The following CPD variants were observed in gnomAD, a reference collection of about 807,000 sequenced individuals.
The protein encoded by CPD is metallocarboxypeptidase D.
A neutral mutation model predicts 138.3 loss-of-function variants in CPD; 69 were observed. That is an observed-to-expected ratio of 0.50 (90% confidence interval 0.41 to 0.61). The LOEUF is 0.61. Ranked by LOEUF, CPD falls within the 20% of genes least tolerant of loss-of-function variation. The pLI is 0.00. For synonymous variants in CPD, 651 were observed against 642.1 expected (o/e 1.01, Z -0.21); for missense variants, 1,432 against 1,733.3 (o/e 0.83, Z 3.09).
At chr17:30,410,371 G>A (rs984662382) in intron 2 of CPD, among the ~76,000 whole-genome samples, 1 of 152,160 alleles carries the variant, frequency 6.6e-6, no homozygotes, top group Non-Finnish European at 1.5e-5. Context: ...TGTCTATTAG[G>A]TCCACTTGGT....
chr17:30,412,085 C>T (rs1911982840), intron 2 of CPD, among the ~76,000 whole-genome samples: 2 of 152,218 alleles, frequency 1.3e-5, no homozygotes, highest in Non-Finnish European at 1.5e-5. Flanking sequence ...CTATTCCTTC[C>T]TGTTTGTTAA....
intron 2 of CPD, among the ~76,000 whole-genome samples, chr17:30,405,808 G>C (rs1911788113): frequency 6.6e-6 from 1 of 151,990 alleles, no homozygotes. Flanking sequence ...TACTGGTACA[G>C]TTTAACTTCT....
intron 2 of CPD, among the ~76,000 whole-genome samples, chr17:30,398,865 A>G (rs1911578496): frequency 6.6e-6 from 1 of 150,932 alleles, no homozygotes; most frequent in Non-Finnish European, 1.5e-5. Flanking sequence ...TTTTTAAATA[A>G]TTAAAAAAAA....
intron 2 of CPD, among the ~76,000 whole-genome samples, chr17:30,398,225 GAATAGAATAGAACAGAATAGAAT>G (rs897320269): frequency 2.8e-5 from 3 of 105,758 alleles, no homozygotes; most frequent in African/African-American, 1.2e-4. Context: ...CAGAATAATA[GAATAGAATAGAACAGAATAGAAT>G]AATAGAATAG....
chr17:30,451,978 G>T, intron 14 of CPD, 132 bp downstream of exon 14: 1 of 796,760 alleles, frequency 1.3e-6, no homozygotes, highest in South Asian at 2.8e-5. Context: ...AGGTATAAAT[G>T]AATTCAGACA....
intron 7 of CPD, 94 bp from the exon 8 acceptor site, chr17:30,431,678 G>T: frequency 1.2e-6 from 1 of 804,578 alleles, no homozygotes; most frequent in Non-Finnish European, 2.0e-6. Context: ...AAATTTTATT[G>T]TTTTCTCTTC....
intron 8 of CPD, among the ~76,000 whole-genome samples, chr17:30,433,214 C>G (rs1912606962): frequency 6.6e-6 from 1 of 152,120 alleles, no homozygotes; most frequent in Non-Finnish European, 1.5e-5. Context: ...TTATTGCTTT[C>G]TGTTTGGACA....
At chr17:30,401,868 A>T (rs1292228594) in intron 2 of CPD, among the ~76,000 whole-genome samples, 1 of 149,616 alleles carries the variant, frequency 6.7e-6, no homozygotes, top group African/African-American at 2.5e-5. Flanking sequence ...AGTGTTTGAG[A>T]TTTGCTGAGC....
At chr17:30,446,325 C>G (rs1326788129) in intron 12 of CPD, among the ~76,000 whole-genome samples, 1 of 152,094 alleles carries the variant, frequency 6.6e-6, no homozygotes, top group Non-Finnish European at 1.5e-5. Context: ...TCCCTCCCCC[C>G]TACCCCTACC....
Position 30,379,038 on chromosome 17 carries a change from A to T in CPD, c.58A>T (p.Met20Leu), listed in dbSNP as rs978692215. The change falls in exon 1 of 21, where the codon ATG (methionine) becomes TTG (leucine). Residue 20 changes from methionine to leucine, a missense_variant. Met to Leu is a conservative substitution (Grantham distance 15). Transcript: ENST00000225719. This position sits in a 1 kb window ranked among gnomAD's most constrained non-coding sequence, Gnocchi z 7.0. The part of the protein sequence containing the change: ...PWRLGRLLLL[M>L]CLLLLGSSAR... ...GCGGCTAGGGCGGCTCCTGTTGCTCATGTGCCTGCTGCTGCTGGGGAGCTC... is the reference window on the plus strand; with the variant it reads ...GCGGCTAGGGCGGCTCCTGTTGCTCTTGTGCCTGCTGCTGCTGGGGAGCTC... The T allele has an allele frequency of 3.2e-6, 5 of 1,561,586 alleles. No homozygotes were observed. Among genetic ancestry groups the T allele is most frequent in the Non-Finnish European group, 4.3e-6 (5 of 1,161,576 alleles).
intron 19 of CPD, 39 bp downstream of exon 19, chr17:30,462,101 A>T (rs1272663180): frequency 1.3e-6 from 2 of 1,511,350 alleles, no homozygotes; most frequent in African/African-American, 2.8e-5. Context: ...GTAAATTTTT[A>T]TTCTTAATAA....
chr17:30,465,394 A>C lies in CPD; in HGVS notation c.*580A>C, dbSNP rs1246727088. 6.5e-6 allele frequency: 1 copy of C among 153,412 alleles called. No individual in the cohort carries two copies. The highest frequency in any genetic ancestry group is 1.5e-5 in the Non-Finnish European group (1 of 68,646). The allele number at this position is 153,412 out of a possible 1,614,324, so 9.5% of individuals were successfully genotyped here. On this transcript the variant is annotated 3_prime_UTR_variant, in exon 21 of 21. Coordinates refer to ENST00000225719, the MANE Select transcript of CPD (RefSeq NM_001304.5). ...AATGGGCTTCTGCATTTGGCTTTCT[A>C]CCTGTTCCAAGGCTAGATCGGAACT...
intron 19 of CPD, 139 bp from the exon 20 acceptor site, chr17:30,462,231 G>C (rs1913495980): frequency 9.4e-7 from 1 of 1,064,830 alleles, no homozygotes; most frequent in African/African-American, 1.6e-5. Context: ...TAACAAAAGG[G>C]AAAATTTTCT....
chr17:30,462,282 A>G, intron 19 of CPD, 88 bp from the exon 20 acceptor site: 1 of 1,164,462 alleles, frequency 8.6e-7, no homozygotes, highest in Non-Finnish European at 1.2e-6. Flanking sequence ...TCATCTCCTT[A>G]GTTTGCTATA....
chr17:30,421,263 T>TTGTA (rs1190771589), intron 3 of CPD, among the ~76,000 whole-genome samples: 1 of 152,166 alleles, frequency 6.6e-6, no homozygotes, highest in Non-Finnish European at 1.5e-5. Flanking sequence ...TTAGCCAAAT[T>TTGTA]TGTACTCTCA....
intron 2 of CPD, among the ~76,000 whole-genome samples, chr17:30,401,411 TTCCTCTTCC>T (rs539298960): frequency 2.6e-4 from 40 of 151,158 alleles, no homozygotes; most frequent in Admixed American, 6.0e-4. Context: ...CCTCCTCTTC[TTCCTCTTCC>T]TCCTCTTCCT....
At chr17:30,386,428 C>CATATATATATATATATATATAT (rs1206719489) in intron 2 of CPD, among the ~76,000 whole-genome samples, 5 of 151,990 alleles carry the variant, frequency 3.3e-5, no homozygotes, top group Admixed American at 1.3e-4. Flanking sequence ...TGTGGTAAAA[C>CATATATATATATATATATATAT]ATACATATAT....
intron 7 of CPD, among the ~76,000 whole-genome samples, chr17:30,428,302 A>G (rs1597722077): frequency 6.6e-6 from 1 of 152,222 alleles, no homozygotes; most frequent in African/African-American, 2.4e-5. Flanking sequence ...CAAGAGAACC[A>G]AACTGTGTCC....
rs374710388 is a variant in CPD, at chr17:30,392,167, G to A, written c.994+6931G>A. Among the ~76,000 whole-genome samples the A allele has an allele frequency of 6.6e-5, 10 of 151,852 alleles. No individual in the cohort carries two copies. The East Asian group carries it at 9.7e-4, about 15-fold the overall frequency. ...TGGTGTTACAAGCATGCACCACTACGCCTGGCTAATTTTTGTATTTTTAGT... is the reference window on the plus strand; with the variant it reads ...TGGTGTTACAAGCATGCACCACTACACCTGGCTAATTTTTGTATTTTTAGT... On this transcript the variant is annotated intron_variant, in intron 2 of 20. Coordinates refer to ENST00000225719, the MANE Select transcript of CPD (RefSeq NM_001304.5).
Sources: gnomAD v4.1 joint callset for allele counts (sites outside exome capture counted in the v4.1 genomes callset) on GRCh38, gnomAD v4.1.1 for gene constraint, Gnocchi (gnomAD v3.1) non-coding constraint, MANE v1.5 for transcripts, NCBI Gene and HGNC (gene_info 2026-07-23, HGNC 2026-07-21) for gene names.